The following SMG6 variants were observed in gnomAD, a reference collection of about 807,000 sequenced individuals.
SMG6 encodes SMG6 nonsense mediated mRNA decay factor.
SMG6 carries 66 observed loss-of-function variants against 142.2 expected under a neutral mutation model. The observed-to-expected ratio is 0.46, with a 90% CI of 0.38 to 0.57. The LOEUF (loss-of-function observed/expected upper bound fraction) is 0.57, where lower values mean the gene tolerates loss of function less well. Among genes scored for constraint, SMG6 ranks in the 20% least tolerant of loss-of-function variants. The pLI, the probability that SMG6 is intolerant of heterozygous loss-of-function variation, is 0.00. For missense variants in SMG6, 1,793 were observed against 1,832.0 expected (o/e 0.98, Z 0.39); for synonymous variants, 779 against 702.4 (o/e 1.11, Z -1.72).
intron 13 of SMG6, among the ~76,000 whole-genome samples, chr17:2,143,426 T>A (rs1164287099): frequency 6.6e-6 from 1 of 152,182 alleles, no homozygotes; most frequent in East Asian, 1.9e-4. Context: ...TGATATGAGC[T>A]GTGACATGGA....
intron 12 of SMG6, 65 bp from the exon 13 acceptor site, chr17:2,172,924 G>GT: frequency 6.8e-7 from 1 of 1,459,940 alleles, no homozygotes. Flanking sequence ...AGTATTCTCA[G>GT]TATTTGTGAG....
intron 13 of SMG6, among the ~76,000 whole-genome samples, chr17:2,127,138 C>CAAAAAAAAAAAAAAAA: frequency 2.0e-5 from 1 of 51,260 alleles, no homozygotes; most frequent in Non-Finnish European, 4.1e-5. Flanking sequence ...GACCTTGTCT[C>CAAAAAAAAAAAAAAAA]AAAAAAAAAA....
intron 16 of SMG6, among the ~76,000 whole-genome samples, 163 bp from the exon 17 acceptor site, chr17:2,065,842 C>A (rs1389347571): frequency 6.6e-6 from 1 of 152,244 alleles, no homozygotes; most frequent in East Asian, 1.9e-4. Context: ...CTTGTGGGGG[C>A]AAGAAGTGTC....
At chr17:2,112,454 G>A (rs1213391855) in intron 13 of SMG6, among the ~76,000 whole-genome samples, 3 of 151,402 alleles carry the variant, frequency 2.0e-5, no homozygotes, top group Non-Finnish European at 4.4e-5. Context: ...GTTGCAGTGA[G>A]CCGAGATCGT....
At chr17:2,206,367 CTT>C (rs529942851) in intron 10 of SMG6, among the ~76,000 whole-genome samples, 1 of 152,138 alleles carries the variant, frequency 6.6e-6, no homozygotes, top group African/African-American at 2.4e-5. Context: ...TGGAGAATCA[CTT>C]GAGTCCAGCC....
At chr17:2,104,853 T>C (rs752229488) in intron 13 of SMG6, among the ~76,000 whole-genome samples, 72 of 152,252 alleles carry the variant, frequency 4.7e-4, no homozygotes, top group Non-Finnish European at 6.6e-4. Flanking sequence ...CATTATATTA[T>C]AATATGGCCT....
intron 8 of SMG6, among the ~76,000 whole-genome samples, chr17:2,270,454 A>G (rs1240857608): frequency 6.6e-6 from 1 of 151,690 alleles, no homozygotes; most frequent in African/African-American, 2.4e-5. Context: ...GAAAAATAAA[A>G]AACATTGGCC....
chr17:2,176,592 C>T (rs1181564611), intron 12 of SMG6, among the ~76,000 whole-genome samples: 1 of 152,116 alleles, frequency 6.6e-6, no homozygotes, highest in Non-Finnish European at 1.5e-5. Flanking sequence ...ACAAAGCAGC[C>T]AGAGAATACG....
chr17:2,233,950 C>T (rs1202278141), intron 10 of SMG6, among the ~76,000 whole-genome samples: 3 of 152,162 alleles, frequency 2.0e-5, no homozygotes, highest in East Asian at 1.9e-4. Context: ...TGGCCTGGGC[C>T]GTTTTTCCTT....
intron 13 of SMG6, among the ~76,000 whole-genome samples, chr17:2,093,379 C>T (rs1023865540): frequency 2.6e-5 from 4 of 151,768 alleles, no homozygotes; most frequent in Admixed American, 6.6e-5. Context: ...GCCATGAGCA[C>T]GCCACTGCAC....
chr17:2,186,858 G>A (rs1275478550), intron 11 of SMG6, 27 bp from the exon 12 acceptor site: 3 of 1,610,078 alleles, frequency 1.9e-6, no homozygotes, highest in Non-Finnish European at 2.5e-6. Context: ...TGAGAACTGG[G>A]CCTATGTCTG....
intron 8 of SMG6, among the ~76,000 whole-genome samples, chr17:2,268,621 C>G (rs1447045445): frequency 6.6e-6 from 1 of 152,070 alleles, no homozygotes; most frequent in Non-Finnish European, 1.5e-5. Flanking sequence ...TAAAAAAATA[C>G]AAAAATTAGG....
At position 2,255,335 on chromosome 17, in the gene SMG6, C is replaced by T. The variant is rs1418128147; in HGVS notation, c.2662-10616G>A. Among the ~76,000 whole-genome samples the T allele has an allele frequency of 1.6e-4, 21 of 132,118 alleles. No homozygotes were observed. The Admixed American group carries it at 1.8e-3, about 11-fold the overall frequency. 86.7% of individuals were successfully genotyped at this position (132,118 alleles called of 152,430 possible). ...AGGAGAATGGCGTGAACCCGGGAGG[C>T]GGAGCTTGCAGTGAGCCGAGATCGC... On this transcript the variant is annotated intron_variant, in intron 8 of 18. Transcript: ENST00000263073.
intron 8 of SMG6, among the ~76,000 whole-genome samples, chr17:2,261,599 C>T (rs1251281598): frequency 6.6e-6 from 1 of 152,180 alleles, no homozygotes; most frequent in East Asian, 1.9e-4. Flanking sequence ...AGGTGGTAGA[C>T]ATGCAGATGA....
At chr17:2,211,612 C>T (rs1012641530) in intron 10 of SMG6, among the ~76,000 whole-genome samples, 2 of 147,836 alleles carry the variant, frequency 1.4e-5, no homozygotes, top group Non-Finnish European at 3.0e-5. Flanking sequence ...TGCAGTGAGC[C>T]GAGATCGTGC....
At chr17:2,083,213 A>G (rs2068470935) in intron 14 of SMG6, among the ~76,000 whole-genome samples, 1 of 152,130 alleles carries the variant, frequency 6.6e-6, no homozygotes, top group South Asian at 2.1e-4. Flanking sequence ...CCCACCCTAG[A>G]TCTGTTCAGT....
chr17:2,089,402 TCA>T (rs2068652754), intron 13 of SMG6, among the ~76,000 whole-genome samples: 2 of 152,100 alleles, frequency 1.3e-5, no homozygotes, highest in South Asian at 4.1e-4. Flanking sequence ...GTGTACCTTC[TCA>T]GTCACAGTCC....
intron 8 of SMG6, among the ~76,000 whole-genome samples, chr17:2,273,290 C>T (rs913480091): frequency 1.3e-4 from 20 of 152,060 alleles, no homozygotes; most frequent in African/African-American, 4.6e-4. Context: ...CTGAGGTGGG[C>T]GGATCACTTA....
At chr17:2,211,125 A>G (rs958413479) in intron 10 of SMG6, among the ~76,000 whole-genome samples, 1 of 151,858 alleles carries the variant, frequency 6.6e-6, no homozygotes, top group Admixed American at 6.6e-5. Context: ...TAGAAAAAAG[A>G]TACATAGAAC....
Sources: gnomAD v4.1 joint callset for allele counts (sites outside exome capture counted in the v4.1 genomes callset) on GRCh38, gnomAD v4.1.1 for gene constraint, MANE v1.5 for transcripts, NCBI Gene and HGNC (gene_info 2026-07-23, HGNC 2026-07-21) for gene names.